PCTP: variants seen among roughly 807,000 people sequenced by gnomAD.
The protein encoded by PCTP is phosphatidylcholine transfer protein.
In PCTP, 27 loss-of-function variants were observed where a neutral mutation model predicts 31.0. The observed-to-expected ratio is 0.87, with a 90% CI of 0.64 to 1.20. The LOEUF (loss-of-function observed/expected upper bound fraction) is 1.20. Ranked by LOEUF, PCTP falls within the 50% of genes most tolerant of loss-of-function variation. PCTP has a pLI of 0.00. For missense variants in PCTP, 287 were observed against 268.2 expected, an observed-to-expected ratio of 1.07 and a Z score of -0.49; for synonymous variants, 108 against 101.2, an observed-to-expected ratio of 1.07 and a Z score of -0.40.
chr17:55,851,747 A>G, the PCTP span, among the ~76,000 whole-genome samples: 1 of 152,182 alleles, frequency 6.6e-6, no homozygotes, highest in South Asian at 2.1e-4. Flanking sequence ...AAATATTTTA[A>G]CCACACTAAA....
At chr17:55,797,327 G>T (rs1297397278) in intron 3 of PCTP, among the ~76,000 whole-genome samples, 1 of 152,012 alleles carries the variant, frequency 6.6e-6, no homozygotes, top group Non-Finnish European at 1.5e-5. Flanking sequence ...TGAACCTAGT[G>T]TTAAGGCTTT....
At chr17:55,795,395 A>G (rs549113974) in intron 3 of PCTP, among the ~76,000 whole-genome samples, 2 of 152,186 alleles carry the variant, frequency 1.3e-5, no homozygotes, top group African/African-American at 4.8e-5. Context: ...CTATTCATAA[A>G]TGATTTATGT....
chr17:55,793,883 A>G (rs1172063814), intron 3 of PCTP, among the ~76,000 whole-genome samples: 1 of 152,084 alleles, frequency 6.6e-6, no homozygotes, highest in Non-Finnish European at 1.5e-5. Context: ...ATCAATCATC[A>G]AGTTATTTTA....
chr17:55,838,440 T>C (rs1285944993), intron 5 of PCTP, among the ~76,000 whole-genome samples: 1 of 152,220 alleles, frequency 6.6e-6, no homozygotes, highest in Non-Finnish European at 1.5e-5. Context: ...CTCTTCTAAC[T>C]TCCCTGACCA....
chr17:55,821,698 G>A (rs563808327), intron 3 of PCTP, among the ~76,000 whole-genome samples: 1 of 152,232 alleles, frequency 6.6e-6, no homozygotes, highest in Admixed American at 6.5e-5. Context: ...CAGAGATAAG[G>A]AAATTGCCCA....
rs527299761 is a variant in PCTP at position 55,839,114 on chromosome 17, T to C, written n.506-3613T>C. ...TCTCTTGACTTTGTTTTTTCTATTA[T>C]CATATGTCATTTTAATCCTCTAGTA... On this transcript the variant is annotated intron_variant and non_coding_transcript_variant, in intron 5 of 5. Coordinates refer to the PCTP transcript ENST00000576221. Among the ~76,000 whole-genome samples the C allele has an allele frequency of 4.6e-5, 7 of 152,362 alleles. No homozygotes were observed. In the South Asian group the frequency reaches 8.3e-4, roughly 18 times the overall value.
chr17:55,767,249 A>G (rs1910713832), intron 1 of PCTP, 86 bp from the exon 2 acceptor site: 1 of 756,504 alleles, frequency 1.3e-6, no homozygotes, highest in Non-Finnish European at 2.1e-6. Flanking sequence ...TTTGCTGTGC[A>G]GAAGCTCTTT....
chr17:55,793,155 G>C (rs911512130), intron 3 of PCTP, among the ~76,000 whole-genome samples: 1 of 151,530 alleles, frequency 6.6e-6, no homozygotes, highest in African/African-American at 2.4e-5. Flanking sequence ...ATATTAAGAA[G>C]ATGCTGGCCT....
the PCTP span, among the ~76,000 whole-genome samples, chr17:55,848,274 A>G: frequency 1.3e-5 from 2 of 152,224 alleles, no homozygotes; most frequent in African/African-American, 4.8e-5. Context: ...CATAAAATTA[A>G]CCATCATATT....
At chr17:55,845,081 C>G (rs1447568845), downstream of PCTP, among the ~76,000 whole-genome samples, 1 of 70,776 alleles carries the variant, frequency 1.4e-5, no homozygotes, top group Non-Finnish European at 2.9e-5. Context: ...GGCCAAAACT[C>G]CATCAAAAAA....
intron 5 of PCTP, among the ~76,000 whole-genome samples, chr17:55,841,365 C>T (rs142576936): frequency 2.0e-5 from 3 of 152,254 alleles, no homozygotes; most frequent in African/African-American, 7.2e-5. Flanking sequence ...GGTTGTGGGT[C>T]GCCATCTGGT....
At chr17:55,837,401 C>T (rs1905814226) in intron 5 of PCTP, among the ~76,000 whole-genome samples, 2 of 152,064 alleles carry the variant, frequency 1.3e-5, no homozygotes, top group South Asian at 4.2e-4. Context: ...CACTGGGAAA[C>T]TTCCTTTCTT....
At chr17:55,813,903 A>G (rs1912831716) in intron 3 of PCTP, among the ~76,000 whole-genome samples, 2 of 152,102 alleles carry the variant, frequency 1.3e-5, no homozygotes, top group Non-Finnish European at 2.9e-5. Context: ...ATAGCCGGCC[A>G]TAGTGGCACA....
chr17:55,807,287 T>C (rs1418007275), intron 3 of PCTP, among the ~76,000 whole-genome samples: 1 of 152,164 alleles, frequency 6.6e-6, no homozygotes, highest in Non-Finnish European at 1.5e-5. Context: ...GGCTGAGTTC[T>C]CAGAAGTGTT....
chr17:55,838,132 C>T (rs1905837140), intron 5 of PCTP, among the ~76,000 whole-genome samples: 1 of 152,110 alleles, frequency 6.6e-6, no homozygotes, highest in Admixed American at 6.5e-5. Context: ...CAGAACAAGA[C>T]CCTGTCTCAA....
intron 5 of PCTP, among the ~76,000 whole-genome samples, chr17:55,831,293 G>A (rs1251179153): frequency 6.6e-6 from 1 of 152,164 alleles, no homozygotes; most frequent in African/African-American, 2.4e-5. Context: ...GAGCTTATTA[G>A]CTTGCTCTGT....
At chr17:55,839,350 T>G (rs1365849676) in intron 5 of PCTP, among the ~76,000 whole-genome samples, 2 of 152,116 alleles carry the variant, frequency 1.3e-5, no homozygotes, top group Non-Finnish European at 2.9e-5. Flanking sequence ...AGCAGGAAAG[T>G]CAAATGGAAA....
chr17:55,836,028 T>G (rs1905765646), intron 5 of PCTP, among the ~76,000 whole-genome samples: 1 of 152,202 alleles, frequency 6.6e-6, no homozygotes, highest in Admixed American at 6.5e-5. Context: ...CTAGTGCATC[T>G]TCAACCTCAA....
At chr17:55,775,676 C>T (rs140010772) in intron 5 of PCTP, 1 of 1,210,982 alleles carries the variant, frequency 8.3e-7, no homozygotes, top group African/African-American at 1.6e-5. Flanking sequence ...TTACCATTTT[C>T]TAATTCAGTA....
Sources: gnomAD v4.1 joint callset for allele counts (sites outside exome capture counted in the v4.1 genomes callset) on GRCh38, gnomAD v4.1.1 for gene constraint, MANE v1.5 for transcripts, NCBI Gene and HGNC (gene_info 2026-07-23, HGNC 2026-07-21) for gene names.